GABRA3: variants seen among roughly 807,000 people sequenced by gnomAD.
GABRA3 encodes the protein gamma-aminobutyric acid type A receptor subunit alpha3.
In GABRA3, 10 loss-of-function variants were observed where a neutral mutation model predicts 30.1. The ratio of observed to expected loss-of-function variants is 0.33; its 90% CI spans 0.20 to 0.56. The LOEUF is 0.56. GABRA3 is among the 20% of genes least tolerant of loss of function. The probability of loss-of-function intolerance (pLI) is 0.89; values close to 1 mark genes in which losing one functional copy is unlikely to be tolerated. For synonymous variants in GABRA3, 151 were observed against 146.8 expected (o/e 1.03, Z -0.21); for missense variants, 233 against 392.0 (o/e 0.59, Z 3.42).
chrX:152,255,673 A>G lies in GABRA3; in HGVS notation c.551+105T>C, dbSNP rs1938625183. 8.4e-5 allele frequency: 55 copies of G among 655,423 alleles called. 1 individual carries two copies. In the South Asian group the frequency reaches 1.3e-3, roughly 16 times the overall value. The allele number at this position is 655,423 out of a possible 1,213,427, so 54.0% of individuals were successfully genotyped here. On this transcript the variant is annotated intron_variant, in intron 5 of 9. Transcript: ENST00000370314. ...AGTATATACATACCTGTACATTTCT[A>G]ATCTATACACTTGAGGGAATTTTCA...
chrX:152,375,314 CA>C (rs34390886), intron 1 of GABRA3, among the ~76,000 whole-genome samples: 10,585 of 111,519 alleles, frequency 0.095, 853 homozygotes, highest in East Asian at 0.43. Flanking sequence ...ATATATCTAT[CA>C]TAGTTATTTG....
At chrX:152,187,857 G>A (rs1363057730) in intron 9 of GABRA3, among the ~76,000 whole-genome samples, 1 of 112,085 alleles carries the variant, frequency 8.9e-6, no homozygotes, top group South Asian at 3.7e-4. Context: ...CACAAACTTT[G>A]TTACAAAAGG....
chrX:152,193,262 T>TA (rs1280381058), intron 8 of GABRA3, among the ~76,000 whole-genome samples: 1 of 111,493 alleles, frequency 9.0e-6, no homozygotes, highest in East Asian at 2.8e-4. Context: ...ATTTTTCTCT[T>TA]AGAGTTTCGT....
intron 1 of GABRA3, among the ~76,000 whole-genome samples, chrX:152,396,580 AATC>A (rs1282565353): frequency 1.8e-5 from 2 of 112,219 alleles, no homozygotes; most frequent in Non-Finnish European, 3.8e-5. Context: ...GTGTGCTCAC[AATC>A]ATCTATTATT....
At chrX:152,222,851 G>T (rs1260210597) in intron 6 of GABRA3, among the ~76,000 whole-genome samples, 1 of 108,030 alleles carries the variant, frequency 9.3e-6, no homozygotes, top group Non-Finnish European at 1.9e-5. Flanking sequence ...TAAACTAGTA[G>T]TCTAGCATGT....
intron 1 of GABRA3, among the ~76,000 whole-genome samples, chrX:152,412,701 G>C (rs113226863): frequency 9.6e-4 from 107 of 111,301 alleles, no homozygotes; most frequent in African/African-American, 3.4e-3. Flanking sequence ...TGAGGGGTTT[G>C]AGAAAGAGGG....
intron 1 of GABRA3, among the ~76,000 whole-genome samples, chrX:152,380,207 T>G (rs1435501580): frequency 9.0e-6 from 1 of 111,516 alleles, no homozygotes; most frequent in East Asian, 2.8e-4. Flanking sequence ...AACCTATTCC[T>G]CCTGTCTATC....
intron 1 of GABRA3, among the ~76,000 whole-genome samples, chrX:152,429,116 A>T (rs1183655365): frequency 1.8e-5 from 2 of 111,665 alleles, no homozygotes; most frequent in East Asian, 5.7e-4. Flanking sequence ...GAGTCCCCAT[A>T]GGTGAGTGAG....
intron 5 of GABRA3, among the ~76,000 whole-genome samples, chrX:152,241,359 G>T (rs780677275): frequency 7.4e-4 from 66 of 89,641 alleles, no homozygotes; most frequent in Admixed American, 2.3e-3. Flanking sequence ...GCAGTCTGCC[G>T]GTTCTCAGAT....
intron 1 of GABRA3, among the ~76,000 whole-genome samples, chrX:152,401,592 C>T (rs1175414576): frequency 9.0e-6 from 1 of 111,389 alleles, no homozygotes; most frequent in African/African-American, 3.3e-5. Flanking sequence ...AAACCTCTGA[C>T]TCTTGGTCAA....
At chrX:152,274,689 T>A (rs1939010677) in intron 4 of GABRA3, among the ~76,000 whole-genome samples, 1 of 109,995 alleles carries the variant, frequency 9.1e-6, no homozygotes, top group Non-Finnish European at 1.9e-5. Flanking sequence ...TTCATAAAGA[T>A]GGCTTAAAGA....
chrX:152,267,069 G>A (rs1269452773), intron 4 of GABRA3, among the ~76,000 whole-genome samples: 1 of 112,156 alleles, frequency 8.9e-6, no homozygotes, highest in African/African-American at 3.2e-5. Flanking sequence ...ATGACAATAA[G>A]AGCTGTAAAA....
chrX:152,257,418 T>C (rs1450853466), intron 4 of GABRA3, among the ~76,000 whole-genome samples: 1 of 112,177 alleles, frequency 8.9e-6, no homozygotes, highest in African/African-American at 3.2e-5. Flanking sequence ...AAGCCAGAAT[T>C]TGCTGAATAT....
chrX:152,291,176 C>A (rs1327509912), intron 3 of GABRA3, among the ~76,000 whole-genome samples: 2 of 111,558 alleles, frequency 1.8e-5, no homozygotes, highest in Admixed American at 9.6e-5. Context: ...TTGTTTGTGT[C>A]CTCTTTTATT....
chrX:152,221,669 C>T (rs1205239020), intron 6 of GABRA3, among the ~76,000 whole-genome samples: 1 of 111,520 alleles, frequency 9.0e-6, no homozygotes, highest in Non-Finnish European at 1.9e-5. Context: ...TGCTTTTGCT[C>T]CTTTATCTGC....
At chrX:152,263,913 G>A (rs770398438) in intron 4 of GABRA3, among the ~76,000 whole-genome samples, 2 of 111,894 alleles carry the variant, frequency 1.8e-5, no homozygotes, top group Non-Finnish European at 3.8e-5. Flanking sequence ...CAGGACAGGA[G>A]AGAATGGCAT....
intron 5 of GABRA3, among the ~76,000 whole-genome samples, chrX:152,236,776 G>A (rs1288577081): frequency 1.0e-5 from 1 of 98,705 alleles, no homozygotes; most frequent in African/African-American, 3.7e-5. Flanking sequence ...TGTGTTTTTT[G>A]GCTGCATAAA....
chrX:152,199,149 G>A (rs765738580), intron 7 of GABRA3, among the ~76,000 whole-genome samples: 11 of 110,824 alleles, frequency 9.9e-5, no homozygotes, highest in Admixed American at 4.8e-4. Flanking sequence ...GGCAGATTAC[G>A]AGGTCAGGAG....
chrX:152,194,917 G>T (rs1399706438), intron 8 of GABRA3, among the ~76,000 whole-genome samples: 2 of 110,281 alleles, frequency 1.8e-5, no homozygotes, highest in African/African-American at 6.6e-5. Context: ...GTGCCACCAC[G>T]TCTGGCTAAT....
Sources: allele counts gnomAD v4.1 joint callset (sites outside exome capture counted in the v4.1 genomes callset), GRCh38; gene constraint gnomAD v4.1.1; transcripts MANE v1.5; gene names NCBI Gene and HGNC (gene_info 2026-07-23, HGNC 2026-07-21).